SNTB1: variants seen among roughly 807,000 people sequenced by gnomAD.
The protein encoded by SNTB1 is syntrophin beta 1.
SNTB1 carries 36 observed loss-of-function variants against 48.9 expected under a neutral mutation model. That is an observed-to-expected ratio of 0.74 (90% CI 0.56 to 0.97). The LOEUF (loss-of-function observed/expected upper bound fraction) is 0.97. Among genes scored for constraint, SNTB1 ranks in the 50% least tolerant of loss-of-function variants. The probability of loss-of-function intolerance (pLI) is 0.00; values close to 1 mark genes in which losing one functional copy is unlikely to be tolerated. For missense variants in SNTB1, 786 were observed against 703.4 expected, an observed-to-expected ratio of 1.12 and a Z score of -1.33; for synonymous variants, 299 against 294.6, an observed-to-expected ratio of 1.01 and a Z score of -0.15.
intron 1 of SNTB1, among the ~76,000 whole-genome samples, chr8:120,796,974 C>T (rs1005117889): frequency 1.3e-5 from 2 of 151,976 alleles, no homozygotes; most frequent in African/African-American, 2.4e-5. Flanking sequence ...AAGAGGTATA[C>T]ATTTTTTAAA....
intron 2 of SNTB1, among the ~76,000 whole-genome samples, chr8:120,661,610 G>A (rs1817589633): frequency 6.6e-6 from 1 of 152,028 alleles, no homozygotes. Context: ...TAAGCCCCAC[G>A]TGCATTAGGT....
intron 3 of SNTB1, among the ~76,000 whole-genome samples, chr8:120,606,267 ATAAT>A (rs1816516521): frequency 6.8e-6 from 1 of 147,624 alleles, no homozygotes; most frequent in Non-Finnish European, 1.5e-5. Flanking sequence ...TATTTATAAC[ATAAT>A]TATATAATTA....
intron 1 of SNTB1, among the ~76,000 whole-genome samples, chr8:120,747,554 G>T (rs1192872743): frequency 6.6e-6 from 1 of 152,156 alleles, no homozygotes; most frequent in Non-Finnish European, 1.5e-5. Flanking sequence ...GCCTCCGAAA[G>T]TGCGAGGATT....
intron 3 of SNTB1, among the ~76,000 whole-genome samples, chr8:120,617,983 GTATA>G (rs936318820): frequency 6.6e-6 from 1 of 150,770 alleles, no homozygotes; most frequent in African/African-American, 2.4e-5. Flanking sequence ...CTGAATATAT[GTATA>G]TATATATATA....
intron 3 of SNTB1, among the ~76,000 whole-genome samples, chr8:120,624,994 G>A (rs893746902): frequency 1.1e-4 from 16 of 152,198 alleles, no homozygotes; most frequent in Admixed American, 3.9e-4. Context: ...TAGGCACAGT[G>A]GGACAGACAT....
chr8:120,629,765 A>T (rs1173951780), intron 3 of SNTB1, among the ~76,000 whole-genome samples: 1 of 152,238 alleles, frequency 6.6e-6, no homozygotes, highest in Non-Finnish European at 1.5e-5. Flanking sequence ...TCTCATAATT[A>T]TCCATGATCA....
At chr8:120,666,129 G>A (rs1417087939) in intron 2 of SNTB1, among the ~76,000 whole-genome samples, 1 of 152,084 alleles carries the variant, frequency 6.6e-6, no homozygotes, top group Non-Finnish European at 1.5e-5. Flanking sequence ...TATGGCATTG[G>A]ATTTACAAAT....
At chr8:120,794,065 C>T (rs1425758296) in intron 1 of SNTB1, among the ~76,000 whole-genome samples, 1 of 151,992 alleles carries the variant, frequency 6.6e-6, no homozygotes, top group African/African-American at 2.4e-5. Flanking sequence ...ATCAGGCTTT[C>T]TTTCCACATG....
intron 2 of SNTB1, among the ~76,000 whole-genome samples, chr8:120,648,831 A>C (rs1276051134): frequency 5.3e-5 from 8 of 152,102 alleles, no homozygotes; most frequent in Non-Finnish European, 7.4e-5. Flanking sequence ...GGTCTTTTCA[A>C]ATAGTCCCAT....
chr8:120,545,905 G>A (rs1017238631), intron 5 of SNTB1, among the ~76,000 whole-genome samples: 6 of 152,164 alleles, frequency 3.9e-5, no homozygotes, highest in Non-Finnish European at 7.3e-5. Context: ...CCTGGGGTAG[G>A]TACTAGGTAC....
intron 2 of SNTB1, among the ~76,000 whole-genome samples, chr8:120,670,180 A>G (rs150684187): frequency 4.0e-4 from 61 of 152,332 alleles, no homozygotes; most frequent in African/African-American, 1.3e-3. Context: ...GATAACAAGA[A>G]GGATTCATAG....
At chr8:120,606,215 TTATAA>T (rs895502272) in intron 3 of SNTB1, among the ~76,000 whole-genome samples, 218 of 146,144 alleles carry the variant, frequency 1.5e-3, no homozygotes, top group African/African-American at 4.9e-3. Flanking sequence ...TGATATGGAA[TTATAA>T]TATAATATAA....
intron 1 of SNTB1, chr8:120,776,599 C>G (rs1362933222): frequency 6.6e-6 from 1 of 152,132 alleles, no homozygotes; most frequent in Non-Finnish European, 1.5e-5. Context: ...TTGCAAATGA[C>G]CCTTATTTAC....
At chr8:120,773,403 G>T (rs749468253) in intron 1 of SNTB1, among the ~76,000 whole-genome samples, 1 of 152,210 alleles carries the variant, frequency 6.6e-6, no homozygotes, top group Non-Finnish European at 1.5e-5. Flanking sequence ...TGGCATGGAT[G>T]TGAGCATGGA....
At chr8:120,583,860 T>G (rs543024774) in intron 3 of SNTB1, among the ~76,000 whole-genome samples, 3 of 152,162 alleles carry the variant, frequency 2.0e-5, no homozygotes, top group African/African-American at 7.2e-5. Context: ...TTTAGCAAAT[T>G]GAGTCTGAAA....
chr8:120,630,843 G>T (rs1372856805), intron 3 of SNTB1, among the ~76,000 whole-genome samples: 1 of 152,116 alleles, frequency 6.6e-6, no homozygotes, highest in African/African-American at 2.4e-5. Flanking sequence ...GAAACAATTG[G>T]GGCAAAGAGG....
chr8:120,811,881 G>A lies in SNTB1; in HGVS notation c.-38C>T. 7.6e-7 allele frequency: 1 copy of A among 1,312,814 alleles called. No homozygotes were observed. The highest frequency in any genetic ancestry group is 9.7e-7 in the Non-Finnish European group (1 of 1,033,774). 81.3% of individuals were successfully genotyped at this position (1,312,814 alleles called of 1,614,324 possible). A position where few individuals can be genotyped will look rare whatever the true frequency, so the allele number is the denominator to read the frequency against. On this transcript the variant is annotated 5_prime_UTR_variant, in exon 1 of 7. Coordinates refer to ENST00000517992, the MANE Select transcript of SNTB1 (RefSeq NM_021021.4). ...CTTAAAATGCCATGTGATTGGAAAAGGGGGGAAAAGTGGGGAAGGGTGGCC... is the reference window on the plus strand; with the variant it reads ...CTTAAAATGCCATGTGATTGGAAAAAGGGGGAAAAGTGGGGAAGGGTGGCC...
At chr8:120,620,783 T>C (rs1416821648) in intron 3 of SNTB1, among the ~76,000 whole-genome samples, 1 of 151,556 alleles carries the variant, frequency 6.6e-6, no homozygotes, top group Non-Finnish European at 1.5e-5. Flanking sequence ...CTTTGTAAAA[T>C]ACACAAACAT....
intron 1 of SNTB1, among the ~76,000 whole-genome samples, chr8:120,752,471 A>G (rs977896306): frequency 6.6e-6 from 1 of 152,174 alleles, no homozygotes; most frequent in Non-Finnish European, 1.5e-5. Context: ...CAATCATTCT[A>G]GGAAAAAGAC....
Sources: allele counts gnomAD v4.1 joint callset (sites outside exome capture counted in the v4.1 genomes callset), GRCh38; gene constraint gnomAD v4.1.1; transcripts MANE v1.5; gene names NCBI Gene and HGNC (gene_info 2026-07-23, HGNC 2026-07-21).